Variants in ERICH1 observed in about 807,000 individuals in gnomAD.
ERICH1 encodes the protein glutamate rich 1, also known as glutamate-rich protein 1.
ERICH1 carries 56 observed loss-of-function variants against 39.6 expected under a neutral mutation model. The ratio of observed to expected loss-of-function variants is 1.41; its 90% confidence interval spans 1.14 to 1.77. The LOEUF (loss-of-function observed/expected upper bound fraction) is 1.77. Among genes scored for constraint, ERICH1 ranks in the 40% most tolerant of loss-of-function variants. The pLI is 0.00. For synonymous variants in ERICH1, 313 were observed against 223.6 expected (o/e 1.40, Z -3.57); for missense variants, 826 against 575.4 (o/e 1.44, Z -4.45).
At chr8:697,765 G>A (rs1201135000) in intron 2 of ERICH1, among the ~76,000 whole-genome samples, 1 of 151,682 alleles carries the variant, frequency 6.6e-6, no homozygotes, top group Non-Finnish European at 1.5e-5. Flanking sequence ...CAGCACAGCA[G>A]GTTTTCCCTG....
intron 2 of ERICH1, among the ~76,000 whole-genome samples, chr8:694,788 C>T (rs986095803): frequency 2.6e-5 from 4 of 152,202 alleles, no homozygotes; most frequent in Admixed American, 6.5e-5. Flanking sequence ...ACAAGTTGAA[C>T]GTTACATGTC....
intron 1 of ERICH1, chr8:725,703 C>A (rs59768128): frequency 0.68 from 103,230 of 152,706 alleles, 35,014 homozygotes; most frequent in Middle Eastern, 0.77. Flanking sequence ...CCTTGCCATC[C>A]CTGCACCTGC....
In ERICH1 at chr8:731,179, A is replaced by G; in HGVS notation, c.-18T>C. On this transcript the variant is annotated 5_prime_UTR_variant, in exon 1 of 6. Transcript: ENST00000262109. ...GCCGCCATGCGGGACCCTGCCGCGG[A>G]CCTCAGACCACGGCGCGCGGTCCTG... The G allele has an allele frequency of 1.3e-6, 2 of 1,499,058 alleles. No homozygotes were observed. Among genetic ancestry groups the G allele is most frequent in the Admixed American group, 2.1e-5 (1 of 47,306 alleles). 92.9% of individuals were successfully genotyped at this position (1,499,058 alleles called of 1,614,324 possible).
At chr8:619,327 C>A (rs994121724) in intron 3 of ERICH1, among the ~76,000 whole-genome samples, 6 of 152,150 alleles carry the variant, frequency 3.9e-5, no homozygotes, top group African/African-American at 1.4e-4. Context: ...CTATCTCACA[C>A]AAGGGGATTC....
chr8:719,025 C>T (rs144966780), intron 1 of ERICH1, among the ~76,000 whole-genome samples: 47 of 152,314 alleles, frequency 3.1e-4, no homozygotes, highest in African/African-American at 1.0e-3. Flanking sequence ...TCCCAACACC[C>T]TCCTGAGGAG....
downstream of ERICH1, among the ~76,000 whole-genome samples, chr8:661,547 G>A (rs533901836): frequency 6.6e-5 from 10 of 152,234 alleles, no homozygotes; most frequent in South Asian, 4.1e-4. Context: ...CTTAATTGAC[G>A]TGGTTTACAG....
chr8:673,077 C>A (rs928439562), intron 4 of ERICH1, among the ~76,000 whole-genome samples: 1 of 152,270 alleles, frequency 6.6e-6, no homozygotes, highest in African/African-American at 2.4e-5. Flanking sequence ...CCATCCACAT[C>A]ATCGGTGGAA....
chr8:660,039 T>C (rs1207449349), downstream of ERICH1, among the ~76,000 whole-genome samples: 2 of 152,250 alleles, frequency 1.3e-5, no homozygotes, highest in East Asian at 1.9e-4. Context: ...CTGTGCCAGA[T>C]ACAGCTGCAG....
At position 707,601 on chromosome 8, in the gene ERICH1, G is replaced by C. The variant is rs536432640; in HGVS notation, c.169+8260C>G. ...GACAATTGGATATCCACATGCAAAG[G>C]AATGAAGTTGGAACTCTACCTCACA... On this transcript the variant is annotated intron_variant, in intron 2 of 5. Coordinates refer to ENST00000262109, the MANE Select transcript of ERICH1 (RefSeq NM_207332.3). Among the ~76,000 whole-genome samples the C allele has an allele frequency of 2.6e-5, 4 of 152,256 alleles. No individual in the cohort carries two copies. The South Asian group carries it at 8.3e-4, about 32-fold the overall frequency.
intron 3 of ERICH1, among the ~76,000 whole-genome samples, chr8:629,191 C>T (rs1040805983): frequency 2.0e-5 from 3 of 152,172 alleles, no homozygotes; most frequent in Admixed American, 6.5e-5. Context: ...CACCCCCTTC[C>T]TAGCCACACT....
At position 615,105 on chromosome 8, in the gene ERICH1, G is replaced by T. The variant is rs1050345391; in HGVS notation, c.*118C>A. 3 of 601,624 alleles carry T rather than the reference G, an allele frequency of 5.0e-6. No individual in the cohort carries two copies. In the South Asian group the frequency reaches 6.2e-5, roughly 12 times the overall value. The allele number at this position is 601,624 out of a possible 1,614,324, so 37.3% of individuals were successfully genotyped here. ...TCTCAGCTCTCGTCAGCCTTGCAAA[G>T]CTTGCTGCATCTGAGTCTTGGGCTC... On this transcript the variant is annotated 3_prime_UTR_variant, in exon 4 of 4. Transcript: ENST00000522706.
chr8:672,807 C>T (rs1417903148), intron 4 of ERICH1, among the ~76,000 whole-genome samples: 3 of 152,208 alleles, frequency 2.0e-5, no homozygotes, highest in Non-Finnish European at 2.9e-5. Context: ...ATCGTGCATC[C>T]GTTCTATGTG....
At chr8:679,152 C>T (rs1189035121) in intron 3 of ERICH1, among the ~76,000 whole-genome samples, 2 of 150,086 alleles carry the variant, frequency 1.3e-5, no homozygotes, top group Admixed American at 6.6e-5. Context: ...AAGCTCCGGC[C>T]CCTCACAGCT....
At chr8:718,156 G>A (rs889716390) in intron 1 of ERICH1, among the ~76,000 whole-genome samples, 2 of 148,804 alleles carry the variant, frequency 1.3e-5, no homozygotes, top group Non-Finnish European at 3.0e-5. Context: ...CGGAGCGCAC[G>A]GAGAAACCGC....
chr8:720,824 T>G (rs1817150467), intron 1 of ERICH1, among the ~76,000 whole-genome samples: 1 of 152,222 alleles, frequency 6.6e-6, no homozygotes, highest in Non-Finnish European at 1.5e-5. Flanking sequence ...TCTTTCCCAG[T>G]GGCCCACACA....
intron 2 of ERICH1, among the ~76,000 whole-genome samples, chr8:710,252 A>G (rs1049118359): frequency 1.3e-5 from 2 of 152,090 alleles, no homozygotes; most frequent in African/African-American, 2.4e-5. Context: ...ACCGTCGTGC[A>G]AATCCTCTGG....
At chr8:630,423 CCACA>C (rs1287711476) in intron 3 of ERICH1, among the ~76,000 whole-genome samples, 1 of 142,116 alleles carries the variant, frequency 7.0e-6, no homozygotes, top group African/African-American at 2.6e-5. Context: ...CTGTGACCAC[CCACA>C]CAGACAGAGA....
intron 3 of ERICH1, among the ~76,000 whole-genome samples, chr8:651,415 G>A (rs945905234): frequency 2.0e-5 from 3 of 152,196 alleles, no homozygotes; most frequent in Non-Finnish European, 4.4e-5. Context: ...TCCCAGCTCC[G>A]GGGCACAGAA....
At chr8:687,977 G>C (rs893529315) in intron 3 of ERICH1, among the ~76,000 whole-genome samples, 1 of 152,138 alleles carries the variant, frequency 6.6e-6, no homozygotes, top group African/African-American at 2.4e-5. Flanking sequence ...GGCGCCGAGA[G>C]ACCTGCCCGG....
Sources: allele counts gnomAD v4.1 joint callset (sites outside exome capture counted in the v4.1 genomes callset), GRCh38; gene constraint gnomAD v4.1.1; transcripts MANE v1.5; gene names NCBI Gene and HGNC (gene_info 2026-07-23, HGNC 2026-07-21).